Variants in INPP5K observed in about 807,000 individuals in gnomAD.
INPP5K encodes the protein inositol polyphosphate-5-phosphatase K.
INPP5K carries 35 observed loss-of-function variants against 53.5 expected under a neutral mutation model. The ratio of observed to expected loss-of-function variants is 0.65; its 90% confidence interval spans 0.50 to 0.87. The LOEUF (loss-of-function observed/expected upper bound fraction) is 0.87. INPP5K is among the 40% of genes least tolerant of loss of function. The pLI, the probability that INPP5K is intolerant of heterozygous loss-of-function variation, is 0.00. For synonymous variants in INPP5K, 253 were observed against 232.8 expected, an observed-to-expected ratio of 1.09 and a Z score of -0.79; for missense variants, 550 against 586.2, an observed-to-expected ratio of 0.94 and a Z score of 0.64.
At chr17:1,515,862 T>A (rs1029121153) in intron 1 of INPP5K, 5 of 961,748 alleles carry the variant, frequency 5.2e-6, no homozygotes, top group Admixed American at 6.2e-5. Context: ...GACCTTTTAC[T>A]CAGAGACTTC....
At chr17:1,508,323 G>A in intron 5 of INPP5K, 97 bp from the exon 6 acceptor site, 2 of 935,562 alleles carry the variant, frequency 2.1e-6, no homozygotes, top group Non-Finnish European at 3.5e-6. Flanking sequence ...GGGCTGCTGG[G>A]GCACAGAAAA....
chr17:1,500,298 G>C (rs1257164496), intron 7 of INPP5K, among the ~76,000 whole-genome samples: 4 of 151,890 alleles, frequency 2.6e-5, no homozygotes, highest in Admixed American at 2.6e-4. Flanking sequence ...TTGCTGCCTG[G>C]AACACCTTTC....
intron 7 of INPP5K, among the ~76,000 whole-genome samples, chr17:1,504,284 G>A (rs546631691): frequency 6.6e-6 from 1 of 152,242 alleles, no homozygotes; most frequent in African/African-American, 2.4e-5. Context: ...GGCTGGGGGT[G>A]GCACAAGGCA....
Position 1,496,410 on chromosome 17 carries a change from G to A in INPP5K, c.1102-8C>T, listed in dbSNP as rs1404378146. The A allele has an allele frequency of 1.9e-6, 3 of 1,555,884 alleles. No homozygotes were observed. The highest frequency in any genetic ancestry group is 1.4e-5 in the African/African-American group (1 of 73,412). ...AACGTCCCGCAGCCCCACCTGTGAGGGGGAGTCAGGCCATCAGTGGTCAGG... is the reference window on the plus strand; with the variant it reads ...AACGTCCCGCAGCCCCACCTGTGAGAGGGAGTCAGGCCATCAGTGGTCAGG... On this transcript the variant is annotated splice_polypyrimidine_tract_variant and splice_region_variant and intron_variant, in intron 9 of 11. Coordinates refer to ENST00000421807, the MANE Select transcript of INPP5K (RefSeq NM_016532.4).
chr17:1,513,677 C>G (rs1488231608), intron 2 of INPP5K, 116 bp from the exon 3 acceptor site: 1 of 980,874 alleles, frequency 1.0e-6, no homozygotes, highest in Non-Finnish European at 1.6e-6. Flanking sequence ...GCCATGAGGT[C>G]TCCCTCCCCT....
At position 1,496,794 on chromosome 17, in the gene INPP5K, A is replaced by G; in HGVS notation, c.973T>C (p.Leu325=). 6.2e-7 allele frequency: 1 copy of G among 1,614,042 alleles called. No homozygotes were observed. Residue 325 remains leucine, a synonymous_variant, in exon 9 of 12, where the codon TTG becomes CTG. Coordinates refer to ENST00000421807, the MANE Select transcript of INPP5K (RefSeq NM_016532.4). The stretch of plus-strand genomic sequence containing the variant: ...AGGACGATCAGCGGAGCAGACACCA[A>G]TGGCTTCAGCTAGACACGGGGGTGG... ...SGTFDLELKP[L]VSAPLIVLMP... is the part of the protein sequence containing the mutation.
chr17:1,509,239 CA>C lies in INPP5K; in HGVS notation c.492del (p.Phe164LeufsTer30). The C allele has an allele frequency of 6.2e-7, 1 of 1,614,066 alleles. No homozygotes were observed. The highest frequency in any genetic ancestry group is 1.7e-5 in the Admixed American group (1 of 60,002). On this transcript the variant is annotated frameshift_variant, in exon 5 of 12. Transcript: ENST00000421807. LOFTEE classifies it high-confidence loss of function. Reference sequence around the variant, plus strand: ...CAATTCTGCATCTCCAGGATCCGGTCAAAGTGCTCCAGCCGCTGGTAATTGT... The same window carrying C: ...CAATTCTGCATCTCCAGGATCCGGTCAAGTGCTCCAGCCGCTGGTAATTGT... ...ISNNYQRLEH[F>X]DRILEMQNCE...
intron 1 of INPP5K, chr17:1,515,659 C>T: frequency 3.2e-6 from 3 of 938,638 alleles, no homozygotes; most frequent in Non-Finnish European, 3.8e-6. Context: ...TCCAACAGAC[C>T]CCGTCCTTAG....
chr17:1,516,423 G>C lies in INPP5K; in HGVS notation c.44+33C>G, dbSNP rs367650342. The C allele has an allele frequency of 7.5e-5, 119 of 1,578,590 alleles. No individual in the cohort carries two copies. The African/African-American group carries it at 1.5e-3, about 21-fold the overall frequency. On this transcript the variant is annotated intron_variant, in intron 1 of 11. Coordinates refer to ENST00000421807, the MANE Select transcript of INPP5K (RefSeq NM_016532.4). ...GCCCAAGGGGCGCCGATCCCCCCGA[G>C]CAGGCCTGCCTCTGCCGCCAGGGTG... is the stretch of plus-strand genomic sequence containing the variant.
intron 1 of INPP5K, 47 bp from the exon 2 acceptor site, chr17:1,514,026 T>C: frequency 7.2e-7 from 1 of 1,386,684 alleles, no homozygotes; most frequent in South Asian, 1.2e-5. Context: ...GAGGATAAGA[T>C]AGTGCACGGG....
chr17:1,498,263 G>A (rs1020616788), intron 7 of INPP5K, 141 bp from the exon 8 acceptor site: 12 of 677,476 alleles, frequency 1.8e-5, no homozygotes, highest in East Asian at 5.3e-5. Flanking sequence ...GGCCAGAGCC[G>A]GAGGGAGCAA....
At chr17:1,515,788 G>T in intron 1 of INPP5K, 1 of 686,740 alleles carries the variant, frequency 1.5e-6, no homozygotes, top group Non-Finnish European at 1.8e-6. Context: ...CACTCGGCCT[G>T]AGATTTTGAG....
At chr17:1,507,950 C>T (rs2075202353) in intron 6 of INPP5K, among the ~76,000 whole-genome samples, 165 bp downstream of exon 6, 1 of 151,998 alleles carries the variant, frequency 6.6e-6, no homozygotes. Flanking sequence ...GAAGATCAGG[C>T]GTGGCTGCCT....
At chr17:1,502,004 C>T (rs1289961416) in intron 7 of INPP5K, among the ~76,000 whole-genome samples, 2 of 148,566 alleles carry the variant, frequency 1.3e-5, no homozygotes, top group African/African-American at 2.5e-5. Context: ...TGTTGCATTC[C>T]AGCCTGGGCA....
intron 8 of INPP5K, 88 bp from the exon 9 acceptor site, chr17:1,496,891 T>C: frequency 4.9e-6 from 7 of 1,417,456 alleles, no homozygotes; most frequent in Non-Finnish European, 6.8e-6. Flanking sequence ...CCTTCCAACA[T>C]AGTGGGGAAG....
At chr17:1,502,231 C>T (rs1048195008) in intron 7 of INPP5K, among the ~76,000 whole-genome samples, 2 of 152,082 alleles carry the variant, frequency 1.3e-5, no homozygotes, top group African/African-American at 4.8e-5. Flanking sequence ...CGCCTGTAGT[C>T]CCAGCTACTC....
intron 4 of INPP5K, 133 bp from the exon 5 acceptor site, chr17:1,509,486 G>C: frequency 1.0e-6 from 1 of 964,716 alleles, no homozygotes; most frequent in Middle Eastern, 2.7e-4. Context: ...AAGCTTCCCA[G>C]GGTGATCTCT....
chr17:1,512,666 C>A (rs79782677), intron 3 of INPP5K, among the ~76,000 whole-genome samples: 2 of 152,076 alleles, frequency 1.3e-5, no homozygotes, highest in Non-Finnish European at 2.9e-5. Flanking sequence ...ATCTGGCAAC[C>A]CAGGGCCTTC....
chr17:1,500,518 C>G (rs1046282392), intron 7 of INPP5K, among the ~76,000 whole-genome samples: 2 of 152,148 alleles, frequency 1.3e-5, no homozygotes, highest in Non-Finnish European at 2.9e-5. Context: ...GCGCCTGCCA[C>G]CATGCCTGGC....
Sources: allele counts gnomAD v4.1 joint callset (sites outside exome capture counted in the v4.1 genomes callset), GRCh38; gene constraint gnomAD v4.1.1; transcripts MANE v1.5; gene names NCBI Gene and HGNC (gene_info 2026-07-23, HGNC 2026-07-21).